MYH7: variants seen among roughly 807,000 people sequenced by gnomAD.
The protein encoded by MYH7 is myosin heavy chain 7.
MYH7 carries 129 observed loss-of-function variants against 225.4 expected under a neutral mutation model. The observed-to-expected ratio is 0.57, with a 90% CI of 0.50 to 0.66. The LOEUF is 0.66. MYH7 is among the 30% of genes least tolerant of loss of function. The pLI is 0.00. For missense variants in MYH7, 1,649 were observed against 2,517.0 expected (o/e 0.66, Z 7.38); for synonymous variants, 971 against 1,007.6 (o/e 0.96, Z 0.69).
chr14:23,417,187 C>T lies in MYH7; in HGVS notation c.4485G>A (p.Leu1495=). 6.2e-7 allele frequency: 1 copy of T among 1,614,180 alleles called. No individual in the cohort carries two copies. The highest frequency in any genetic ancestry group is 8.5e-7 in the Non-Finnish European group (1 of 1,180,032). ...TTTTGTTCTCCCGCTTGAAGGTCTC[C>T]AGATGTTCCAGGGACTCCTCATAGG... ...KNAYEESLEH[L]ETFKRENKNL... The change falls in exon 32 of 40, where the codon CTG becomes CTA. Residue 1495 remains leucine (L), a synonymous_variant. Coordinates refer to ENST00000355349, the MANE Select transcript of MYH7 (RefSeq NM_000257.4).
At position 23,433,363 on chromosome 14, in the gene MYH7, G is replaced by A; in HGVS notation, c.202-136C>T. 2 of 1,463,424 alleles carry A rather than the reference G, an allele frequency of 1.4e-6. No homozygotes were observed. The highest frequency in any genetic ancestry group is 1.9e-6 in the Non-Finnish European group (2 of 1,059,752). The allele number at this position is 1,463,424 out of a possible 1,614,324, so 90.7% of individuals were successfully genotyped here. A position where few individuals can be genotyped will look rare whatever the true frequency, so the allele number is the denominator to read the frequency against. On this transcript the variant is annotated intron_variant, in intron 3 of 39. Coordinates refer to ENST00000355349, the MANE Select transcript of MYH7 (RefSeq NM_000257.4). This position sits in a 1 kb window ranked among gnomAD's most constrained non-coding sequence, Gnocchi z 4.1. The stretch of plus-strand genomic sequence containing the variant: ...CAGGATCTCACAGGGAAGACAGAAG[G>A]GATATTGGGAAGGAGAGGGCTCTTT...
rs1399680534 is a variant in MYH7, at chr14:23,430,894, G to A, written c.895+7C>T. The A allele has an allele frequency of 2.5e-6, 4 of 1,606,684 alleles. No individual in the cohort carries two copies. The highest frequency in any genetic ancestry group is 3.4e-6 in the Non-Finnish European group (4 of 1,173,284). On this transcript the variant is annotated splice_region_variant and intron_variant, in intron 10 of 39. Transcript: ENST00000355349. ...ATAGTTGGTCTCAGTCGGTGGCTCTGACTCACCCAGCAGCTCAGGCTTTTT... is the reference window on the plus strand; with the variant it reads ...ATAGTTGGTCTCAGTCGGTGGCTCTAACTCACCCAGCAGCTCAGGCTTTTT...
At chr14:23,424,286 T>C in intron 22 of MYH7, 137 bp from the exon 23 acceptor site, 1 of 1,165,768 alleles carries the variant, frequency 8.6e-7, no homozygotes, top group Admixed American at 2.3e-5. Flanking sequence ...TTCAGAAGTA[T>C]GGGGAGGGGA....
At chr14:23,430,519 G>C in intron 11 of MYH7, 41 bp downstream of exon 11, 1 of 1,530,992 alleles carries the variant, frequency 6.5e-7, no homozygotes, top group East Asian at 2.3e-5. Context: ...GCCCCTCACT[G>C]CCAATCCTCC....
intron 37 of MYH7, among the ~76,000 whole-genome samples, chr14:23,414,625 G>T (rs1892108751): frequency 6.6e-6 from 1 of 152,182 alleles, no homozygotes; most frequent in African/African-American, 2.4e-5. Context: ...ACTGCCCTGG[G>T]CAATGAAAAA....
At chr14:23,430,708 C>T (rs777332552) in intron 10 of MYH7, 45 bp from the exon 11 acceptor site, 3 of 1,523,776 alleles carry the variant, frequency 2.0e-6, no homozygotes, top group Non-Finnish European at 1.8e-6. Context: ...GCCCCCGGCT[C>T]TCATGGAGGC....
chr14:23,433,743 G>C lies in MYH7; in HGVS notation c.-8-3C>G. The C allele has an allele frequency of 2.5e-6, 4 of 1,613,444 alleles. No individual in the cohort carries two copies. The highest frequency in any genetic ancestry group is 3.4e-6 in the Non-Finnish European group (4 of 1,179,984). On this transcript the variant is annotated splice_region_variant and splice_polypyrimidine_tract_variant and intron_variant, in intron 2 of 39. Transcript: ENST00000355349. This position sits in a 1 kb window ranked among gnomAD's most constrained non-coding sequence, Gnocchi z 4.1. ...CTCCGAATCTCCCATGGCTGTGCCT[G>C]GAGTGAGCAGAAGCTGGCTGCCCTC...
rs1486616928 is a variant in MYH7 at position 23,425,459 on chromosome 14, A to G, written c.2287-41T>C. 6.2e-7 allele frequency: 1 copy of G among 1,613,878 alleles called. No homozygotes were observed. Among genetic ancestry groups the G allele is most frequent in the Non-Finnish European group, 8.5e-7 (1 of 1,180,002 alleles). ...GTGTTGGCCATGACTAGGGAGGGGT[A>G]CGAGGGAAAGAGATGGTGGGGATTA... On this transcript the variant is annotated intron_variant, in intron 20 of 39. Transcript: ENST00000355349. The surrounding 1 kb of genome is among the most constrained non-coding windows in gnomAD (Gnocchi z 4.6).
chr14:23,430,800 A>C, intron 10 of MYH7, 101 bp downstream of exon 10: 1 of 1,242,612 alleles, frequency 8.0e-7, no homozygotes, highest in Non-Finnish European at 1.2e-6. Flanking sequence ...TGAATCCAGC[A>C]GTGCCATGAA....
Position 23,424,853 on chromosome 14 carries a change from C to T in MYH7, c.2595G>A (p.Lys865=), listed in dbSNP as rs1353518977. The T allele has an allele frequency of 1.9e-6, 3 of 1,614,136 alleles. No homozygotes were observed. The highest frequency in any genetic ancestry group is 3.3e-5 in the Admixed American group (2 of 60,014). ...EFTRLKEALE[K]SEARRKELEE... is the part of the protein sequence containing the mutation. ...CCAGCTCCTTGCGGCGAGCCTCGGA[C>T]TTCTCTAGCGCCTCTTTGAGGCGTG... is the stretch of plus-strand genomic sequence containing the variant. The change falls in exon 22 of 40, where the codon AAG becomes AAA. Residue 865 remains lysine (K), a synonymous_variant. Transcript: ENST00000355349.
In MYH7 at chr14:23,430,261, G is replaced by A. The variant is rs867385296; in HGVS notation, c.999+299C>T. On this transcript the variant is annotated intron_variant, in intron 11 of 39. Coordinates refer to ENST00000355349, the MANE Select transcript of MYH7 (RefSeq NM_000257.4). ...CTAACAGCCCCTCCAGCCCCATGCC[G>A]TCTGCATGGCCTTCCCTCCTCGTCC... 1.1e-4 allele frequency among the ~76,000 whole-genome samples: 16 copies of A among 152,158 alleles called. 1 individual carries two copies. Among genetic ancestry groups the A allele is most frequent in the Middle Eastern group, 3.4e-3 (1 of 294 alleles).
intron 22 of MYH7, among the ~76,000 whole-genome samples, chr14:23,424,390 C>A (rs1035107850): frequency 6.6e-6 from 1 of 152,216 alleles, no homozygotes; most frequent in East Asian, 1.9e-4. Flanking sequence ...CCTCTGGTCT[C>A]CTCCATCGAA....
At chr14:23,432,986 C>A in intron 4 of MYH7, 98 bp downstream of exon 4, 1 of 1,576,640 alleles carries the variant, frequency 6.3e-7, no homozygotes, top group South Asian at 1.1e-5. Flanking sequence ...AGAGTGTAAC[C>A]CTGCCTAGAC....
At position 23,431,818 on chromosome 14, in the gene MYH7, G is replaced by A. The variant is rs1892956881; in HGVS notation, c.582C>T (p.Tyr194=). The change falls in exon 7 of 40, where the codon TAC becomes TAT. Residue 194 remains tyrosine (Y), a synonymous_variant. Transcript: ENST00000355349. The part of the protein sequence containing the change: ...KTVNTKRVIQ[Y]FAVIAAIGDR... The stretch of plus-strand genomic sequence containing the variant: ...CCCCAATGGCTGCAATAACAGCAAA[G>A]TACTGGATGACCCTCTTGGTGTTGA... 1.9e-6 allele frequency: 3 copies of A among 1,614,278 alleles called. No individual in the cohort carries two copies. The highest frequency in any genetic ancestry group is 2.5e-6 in the Non-Finnish European group (3 of 1,180,054).
At chr14:23,419,107 G>T in intron 29 of MYH7, 70 bp downstream of exon 29, 2 of 1,297,800 alleles carry the variant, frequency 1.5e-6, no homozygotes, top group Non-Finnish European at 2.2e-6. Flanking sequence ...GCTGGGAAGG[G>T]AAGTGATTTG....
intron 10 of MYH7, 79 bp downstream of exon 10, chr14:23,430,822 G>T: frequency 1.5e-6 from 2 of 1,327,308 alleles, no homozygotes; most frequent in Non-Finnish European, 2.2e-6. Flanking sequence ...CCCAGGGCAT[G>T]CCAGCTGAGT....
intron 39 of MYH7, among the ~76,000 whole-genome samples, 174 bp downstream of exon 39, chr14:23,413,585 A>T (rs1470889028): frequency 6.9e-6 from 1 of 144,210 alleles, no homozygotes; most frequent in Non-Finnish European, 1.5e-5. Flanking sequence ...AAAAAAAAAA[A>T]GTTAGAGCTG....
In MYH7 at chr14:23,417,388, C is replaced by G. The variant is rs528481295; in HGVS notation, c.4354-70G>C. ...CCATGTCCAGGGTCTGTCTCAGGAC[C>G]TGCCTGGGCTCAGCCCTCCTCCCCC... On this transcript the variant is annotated intron_variant, in intron 31 of 39. Coordinates refer to ENST00000355349, the MANE Select transcript of MYH7 (RefSeq NM_000257.4). 3 of 1,611,714 alleles carry G rather than the reference C, an allele frequency of 1.9e-6. No individual in the cohort carries two copies. The East Asian group carries it at 6.7e-5, about 36-fold the overall frequency.
intron 24 of MYH7, 99 bp downstream of exon 24, chr14:23,423,448 C>CACACACAT: frequency 9.1e-7 from 1 of 1,099,710 alleles, no homozygotes; most frequent in Non-Finnish European, 1.4e-6. Flanking sequence ...CACACACACA[C>CACACACAT]ACACACACAC....
Sources: gnomAD v4.1 joint callset for allele counts (sites outside exome capture counted in the v4.1 genomes callset) on GRCh38, gnomAD v4.1.1 for gene constraint, Gnocchi (gnomAD v3.1) non-coding constraint, MANE v1.5 for transcripts, NCBI Gene and HGNC (gene_info 2026-07-23, HGNC 2026-07-21) for gene names.